Variants in PINX1 observed in about 807,000 individuals in gnomAD.
PINX1 encodes the protein PIN2 (TERF1) interacting telomerase inhibitor 1, also known as PIN2/TERF1-interacting telomerase inhibitor 1.
Under a neutral mutation model 25.4 loss-of-function variants are expected in PINX1, and 34 were observed. That is an observed-to-expected ratio of 1.34 (90% confidence interval 1.02 to 1.78). The LOEUF (loss-of-function observed/expected upper bound fraction) is 1.78. Among genes scored for constraint, PINX1 ranks in the 40% most tolerant of loss-of-function variants. The pLI is 0.00. For synonymous variants in PINX1, 197 were observed against 147.7 expected (o/e 1.33, Z -2.42); for missense variants, 592 against 404.9 (o/e 1.46, Z -3.97).
chr8:10,784,068 A>T (rs778847122), intron 6 of PINX1, among the ~76,000 whole-genome samples: 6 of 152,202 alleles, frequency 3.9e-5, no homozygotes, highest in Non-Finnish European at 5.9e-5. Context: ...ACCAATGATG[A>T]TAATGTGTCA....
intron 6 of PINX1, among the ~76,000 whole-genome samples, chr8:10,810,214 A>T (rs974390772): frequency 6.6e-5 from 10 of 152,246 alleles, no homozygotes; most frequent in African/African-American, 9.6e-5. Context: ...TGGAGGGGAC[A>T]CACGTCCAAA....
rs1280095522 is a variant in PINX1 at position 10,805,664 on chromosome 8, C to T, written c.471+14529G>A. 3.7e-5 allele frequency among the ~76,000 whole-genome samples: 3 copies of T among 81,772 alleles called. 1 individual carries two copies. The highest frequency in any genetic ancestry group is 8.1e-4 in the South Asian group (2 of 2,454). The allele number at this position is 81,772 out of a possible 152,430, so 53.6% of individuals were successfully genotyped here. A position where few individuals can be genotyped will look rare whatever the true frequency, so the allele number is the denominator to read the frequency against. ...GGCCACACTAGCGCTGAGTGGGTGA[C>T]GGAGCACAGGAAGGGGCCACACTAG... On this transcript the variant is annotated intron_variant, in intron 6 of 6. Transcript: ENST00000314787.
intron 6 of PINX1, among the ~76,000 whole-genome samples, chr8:10,811,071 C>A (rs538343874): frequency 6.6e-6 from 1 of 152,354 alleles, no homozygotes; most frequent in South Asian, 2.1e-4. Flanking sequence ...GCAGCAGCAG[C>A]TAAGCTGCAC....
intron 6 of PINX1, among the ~76,000 whole-genome samples, chr8:10,816,424 T>C (rs900667087): frequency 2.6e-5 from 4 of 152,188 alleles, no homozygotes; most frequent in African/African-American, 4.8e-5. Context: ...TCCAGTTCAA[T>C]AGAGAGACGA....
At chr8:10,776,373 C>T (rs549817116) in intron 6 of PINX1, among the ~76,000 whole-genome samples, 1 of 151,922 alleles carries the variant, frequency 6.6e-6, no homozygotes, top group East Asian at 1.9e-4. Context: ...TGCAGTGAGC[C>T]GAAGTCGTGC....
At chr8:10,774,512 C>G (rs1000419573) in intron 6 of PINX1, among the ~76,000 whole-genome samples, 1 of 152,140 alleles carries the variant, frequency 6.6e-6, no homozygotes, top group Non-Finnish European at 1.5e-5. Flanking sequence ...AACTCCCGAC[C>G]TCAGGTGATC....
At position 10,775,410 on chromosome 8, in the gene PINX1, G is replaced by GTTTTTT. The variant is rs143926728; in HGVS notation, c.472-9500_472-9495dup. Reference sequence around the variant, plus strand: ...AAGGATTAGTTCTGTCTGTTTTGTGGTTTTTTTTTTTTTTTTTTTTTTTTT... The same window carrying GTTTTTT: ...AAGGATTAGTTCTGTCTGTTTTGTGGTTTTTTTTTTTTTTTTTTTTTTTTTTTTTTT... On this transcript the variant is annotated intron_variant, in intron 6 of 6. Transcript: ENST00000314787. 3.8e-4 allele frequency among the ~76,000 whole-genome samples: 42 copies of GTTTTTT among 109,594 alleles called. 1 individual carries two copies. Among genetic ancestry groups the GTTTTTT allele is most frequent in the African/African-American group, 1.1e-3 (34 of 31,194 alleles). 71.9% of individuals were successfully genotyped at this position (109,594 alleles called of 152,430 possible). A position where few individuals can be genotyped will look rare whatever the true frequency, so the allele number is the denominator to read the frequency against.
chr8:10,807,894 A>C (rs866423353), intron 6 of PINX1, among the ~76,000 whole-genome samples: 2 of 152,164 alleles, frequency 1.3e-5, no homozygotes, highest in African/African-American at 4.8e-5. Flanking sequence ...GGGAGCCGGG[A>C]GGTGGAAATC....
intron 6 of PINX1, among the ~76,000 whole-genome samples, chr8:10,810,536 C>T (rs533391463): frequency 5.3e-5 from 8 of 152,256 alleles, no homozygotes; most frequent in African/African-American, 1.2e-4. Flanking sequence ...GAATTCAATT[C>T]AGCAAGAACC....
intron 6 of PINX1, among the ~76,000 whole-genome samples, chr8:10,812,947 T>A (rs1203554937): frequency 6.6e-6 from 1 of 152,204 alleles, no homozygotes; most frequent in Non-Finnish European, 1.5e-5. Context: ...GCTAGCAAAT[T>A]AGATCTTTCT....
intron 6 of PINX1, among the ~76,000 whole-genome samples, chr8:10,818,036 T>C (rs1202868151): frequency 6.6e-6 from 1 of 152,166 alleles, no homozygotes; most frequent in African/African-American, 2.4e-5. Flanking sequence ...GCATTAGCAT[T>C]TGTTTAAAGC....
intron 6 of PINX1, among the ~76,000 whole-genome samples, chr8:10,801,849 G>C (rs1205791021): frequency 6.6e-6 from 1 of 152,134 alleles, no homozygotes; most frequent in Non-Finnish European, 1.5e-5. Context: ...AAAAGATAAA[G>C]GAACCTCCAT....
chr8:10,774,359 G>A (rs571552419), intron 6 of PINX1, among the ~76,000 whole-genome samples: 11 of 151,056 alleles, frequency 7.3e-5, no homozygotes, highest in African/African-American at 2.7e-4. Flanking sequence ...TCGGCTCACC[G>A]CAACCTCCGC....
intron 6 of PINX1, among the ~76,000 whole-genome samples, chr8:10,774,698 A>C (rs1388716355): frequency 1.3e-5 from 2 of 152,248 alleles, no homozygotes; most frequent in Non-Finnish European, 2.9e-5. Flanking sequence ...AAATTAGGTG[A>C]ATATAGTTGA....
intron 3 of PINX1, 25 bp from the exon 4 acceptor site, chr8:10,831,768 A>T: frequency 7.1e-7 from 1 of 1,408,706 alleles, no homozygotes; most frequent in Admixed American, 1.9e-5. Context: ...GAAATGAACG[A>T]GAGGTAAGCC....
intron 6 of PINX1, among the ~76,000 whole-genome samples, chr8:10,816,028 T>A (rs1162532292): frequency 1.3e-5 from 2 of 152,166 alleles, no homozygotes; most frequent in East Asian, 3.8e-4. Flanking sequence ...AATCAGACGA[T>A]TCTGTCGGCA....
At chr8:10,818,348 AC>A in intron 6 of PINX1, among the ~76,000 whole-genome samples, 1 of 152,184 alleles carries the variant, frequency 6.6e-6, no homozygotes, top group Non-Finnish European at 1.5e-5. Context: ...TGACTTAGCT[AC>A]CAAAGAGTCA....
intron 6 of PINX1, among the ~76,000 whole-genome samples, chr8:10,813,235 G>C (rs184586582): frequency 2.0e-5 from 3 of 152,154 alleles, no homozygotes; most frequent in African/African-American, 7.2e-5. Context: ...AGTGGGGGGA[G>C]GGTAGAGCGA....
intron 6 of PINX1, among the ~76,000 whole-genome samples, chr8:10,799,552 C>T (rs1460634312): frequency 6.6e-6 from 1 of 152,198 alleles, no homozygotes; most frequent in Non-Finnish European, 1.5e-5. Flanking sequence ...CTTCAATACG[C>T]TTTGAAATGG....
Sources: allele counts gnomAD v4.1 joint callset (sites outside exome capture counted in the v4.1 genomes callset), GRCh38; gene constraint gnomAD v4.1.1; transcripts MANE v1.5; gene names NCBI Gene and HGNC (gene_info 2026-07-23, HGNC 2026-07-21).